Variants in PHLPP2 observed in about 807,000 individuals in gnomAD.
The protein encoded by PHLPP2 is PH domain leucine-rich repeat-containing protein phosphatase 2.
A neutral mutation model predicts 124.9 loss-of-function variants in PHLPP2; 66 were observed. The ratio of observed to expected loss-of-function variants is 0.53; its 90% CI spans 0.43 to 0.65. The LOEUF is 0.65. Ranked by LOEUF, PHLPP2 falls within the 30% of genes least tolerant of loss-of-function variation. The pLI is 0.00. For synonymous variants in PHLPP2, 681 were observed against 624.7 expected, an observed-to-expected ratio of 1.09 and a Z score of -1.34; for missense variants, 1,685 against 1,600.4, an observed-to-expected ratio of 1.05 and a Z score of -0.90.
chr16:71,719,703 ACT>A (rs1186194937), intron 1 of PHLPP2, among the ~76,000 whole-genome samples: 3 of 148,964 alleles, frequency 2.0e-5, no homozygotes, highest in African/African-American at 4.9e-5. Context: ...ACACAAGGAG[ACT>A]CTGTCTTTAA....
intron 3 of PHLPP2, among the ~76,000 whole-genome samples, chr16:71,700,834 T>C (rs866481259): frequency 2.3e-4 from 35 of 152,306 alleles, no homozygotes; most frequent in Middle Eastern, 3.4e-3. Flanking sequence ...CTGTGACTCA[T>C]TTCTTAATAA....
intron 18 of PHLPP2, among the ~76,000 whole-genome samples, chr16:71,650,935 G>A (rs2044691663): frequency 6.6e-6 from 1 of 152,164 alleles, no homozygotes; most frequent in African/African-American, 2.4e-5. Flanking sequence ...TTAAGATTAA[G>A]GAAAATAATA....
chr16:71,723,852 G>GCTCCAC lies in PHLPP2; in HGVS notation c.-7+471_-7+476dup, dbSNP rs1323176824. On this transcript the variant is annotated intron_variant, in intron 1 of 18. Coordinates refer to ENST00000568954, the MANE Select transcript of PHLPP2 (RefSeq NM_015020.3). ...GGCTCCAGCGGGCCCGCGGGCCCCG[G>GCTCCAC]CTCCACCTCCCCCATCGGCGACCCA... 8 of 1,212,690 alleles carry GCTCCAC rather than the reference G, an allele frequency of 6.6e-6. No homozygotes were observed. The East Asian group carries it at 2.5e-4, about 38-fold the overall frequency. The allele number at this position is 1,212,690 out of a possible 1,614,324, so 75.1% of individuals were successfully genotyped here. A position where few individuals can be genotyped will look rare whatever the true frequency, so the allele number is the denominator to read the frequency against.
chr16:71,664,898 C>G (rs530090371), intron 12 of PHLPP2, among the ~76,000 whole-genome samples: 4 of 152,282 alleles, frequency 2.6e-5, no homozygotes, highest in Admixed American at 2.6e-4. Context: ...ATCTTTGTAT[C>G]CTTAACCAAT....
At chr16:71,673,984 A>C (rs976032436) in intron 9 of PHLPP2, among the ~76,000 whole-genome samples, 1 of 152,248 alleles carries the variant, frequency 6.6e-6, no homozygotes, top group African/African-American at 2.4e-5. Context: ...TCTAGTTTAC[A>C]GATACAGAAA....
rs2044744283 is a variant in PHLPP2 at position 71,656,643 on chromosome 16, G to A, written c.2318C>T (p.Pro773Leu). The change falls in exon 16 of 19, where the codon CCA becomes CTA. Residue 773 changes from proline to leucine, a missense_variant. Coordinates refer to ENST00000568954, the MANE Select transcript of PHLPP2 (RefSeq NM_015020.3). ...TGACGTAACTGTAGAATCTGTGGTT[G>A]GCAAAGGTTTCTGATCAATTTTCAG... ...TTLKIDQKPL[P>L]TTDSTVTSTF... is the part of the protein sequence containing the mutation. 6.2e-7 allele frequency: 1 copy of A among 1,613,522 alleles called. No individual in the cohort carries two copies. Among genetic ancestry groups the A allele is most frequent in the Non-Finnish European group, 8.5e-7 (1 of 1,179,478 alleles).
chr16:71,724,498 T>A lies in PHLPP2; in HGVS notation c.-176A>T, dbSNP rs80323808. On this transcript the variant is annotated 5_prime_UTR_variant, in exon 1 of 19. Coordinates refer to ENST00000568954, the MANE Select transcript of PHLPP2 (RefSeq NM_015020.3). ...CGGTGCTCTGCTTCAAGCAGTAATA[T>A]GGCCTGTGACCCGGTTTATGATTTA... 6.6e-6 allele frequency: 1 copy of A among 152,362 alleles called. No individual in the cohort carries two copies. Among genetic ancestry groups the A allele is most frequent in the East Asian group, 1.9e-4 (1 of 5,188 alleles). 9.4% of individuals were successfully genotyped at this position (152,362 alleles called of 1,614,324 possible). A position where few individuals can be genotyped will look rare whatever the true frequency, so the allele number is the denominator to read the frequency against.
chr16:71,683,373 TGTGGCAG>T (rs1257901731), intron 5 of PHLPP2, among the ~76,000 whole-genome samples: 6 of 152,244 alleles, frequency 3.9e-5, no homozygotes, highest in Non-Finnish European at 7.3e-5. Context: ...AATAATGGTT[TGTGGCAG>T]CATTAGAGGT....
chr16:71,714,860 T>C, intron 1 of PHLPP2, 59 bp from the exon 2 acceptor site: 1 of 1,552,714 alleles, frequency 6.4e-7, no homozygotes, highest in Non-Finnish European at 8.7e-7. Flanking sequence ...ATTAGACATT[T>C]CAGTCCTCAC....
At chr16:71,650,068 T>C in intron 18 of PHLPP2, 24 bp from the exon 19 acceptor site, 1 of 1,580,874 alleles carries the variant, frequency 6.3e-7, no homozygotes, top group Non-Finnish European at 8.6e-7. Context: ...GGACACAAAT[T>C]CTGAGAAACA....
At chr16:71,663,788 G>GT in intron 13 of PHLPP2, 111 bp downstream of exon 13, 2 of 807,868 alleles carry the variant, frequency 2.5e-6, no homozygotes, top group East Asian at 2.6e-5. Flanking sequence ...CATAGCATCT[G>GT]TAAGTCAGTG....
intron 9 of PHLPP2, among the ~76,000 whole-genome samples, chr16:71,674,940 T>C (rs1287883598): frequency 1.3e-5 from 2 of 152,204 alleles, no homozygotes; most frequent in African/African-American, 4.8e-5. Flanking sequence ...GAGGTTGCAG[T>C]GAGCTGAGAC....
intron 4 of PHLPP2, among the ~76,000 whole-genome samples, chr16:71,686,558 C>T (rs891573340): frequency 2.6e-5 from 4 of 151,974 alleles, no homozygotes; most frequent in Non-Finnish European, 4.4e-5. Context: ...ACCCCATGGC[C>T]CCCAAACTTC....
intron 7 of PHLPP2, among the ~76,000 whole-genome samples, 187 bp downstream of exon 7, chr16:71,679,202 G>A (rs1250059060): frequency 6.6e-6 from 1 of 152,200 alleles, no homozygotes; most frequent in Non-Finnish European, 1.5e-5. Context: ...CGCTGCTGTT[G>A]AAGCTGAGGG....
chr16:71,695,800 A>C (rs1364236070), intron 3 of PHLPP2, among the ~76,000 whole-genome samples: 1 of 152,160 alleles, frequency 6.6e-6, no homozygotes, highest in Non-Finnish European at 1.5e-5. Flanking sequence ...TGGGTGAAAA[A>C]AGCATGAAGA....
intron 2 of PHLPP2, among the ~76,000 whole-genome samples, chr16:71,706,909 C>A (rs370754526): frequency 6.9e-6 from 1 of 145,594 alleles, no homozygotes; most frequent in East Asian, 2.0e-4. Flanking sequence ...ACCATTATTT[C>A]ATTAAGTCCA....
chr16:71,645,406 G>A lies in PHLPP2; in HGVS notation c.*3484C>T, dbSNP rs555412572. The A allele has an allele frequency of 1.0e-4, 16 of 153,528 alleles. No individual in the cohort carries two copies. Among genetic ancestry groups the A allele is most frequent in the African/African-American group, 3.6e-4 (15 of 41,588 alleles). 9.5% of individuals were successfully genotyped at this position (153,528 alleles called of 1,614,324 possible). A position where few individuals can be genotyped will look rare whatever the true frequency, so the allele number is the denominator to read the frequency against. ...CAGAAGGAAGTAAAAAGTGACACTA[G>A]ACAGTCCTATAGTGATGCTGAAGAC... is the stretch of plus-strand genomic sequence containing the variant. On this transcript the variant is annotated 3_prime_UTR_variant, in exon 19 of 19. Transcript: ENST00000568954.
chr16:71,723,870 G>C, intron 1 of PHLPP2: 1 of 1,174,992 alleles, frequency 8.5e-7, no homozygotes, highest in South Asian at 3.3e-5. Flanking sequence ...TCCCCCATCG[G>C]CGACCCAGGA....
chr16:71,713,388 A>T (rs116461224), intron 2 of PHLPP2, among the ~76,000 whole-genome samples: 1,766 of 152,354 alleles, frequency 0.012, 33 homozygotes, highest in African/African-American at 0.041. Flanking sequence ...TGATGGAAAT[A>T]TAACCTCTAT....
Sources: gnomAD v4.1 joint callset for allele counts (sites outside exome capture counted in the v4.1 genomes callset) on GRCh38, gnomAD v4.1.1 for gene constraint, MANE v1.5 for transcripts, NCBI Gene and HGNC (gene_info 2026-07-23, HGNC 2026-07-21) for gene names.